The following RASSF3 variants were observed in gnomAD, a reference collection of about 807,000 sequenced individuals.
RASSF3 encodes the protein ras association domain-containing protein 3.
Under a neutral mutation model 19.9 loss-of-function variants are expected in RASSF3, and 19 were observed. The ratio of observed to expected loss-of-function variants is 0.96; its 90% CI spans 0.67 to 1.40. The LOEUF is 1.40. Among genes scored for constraint, RASSF3 ranks in the 40% most tolerant of loss-of-function variants. RASSF3 has a pLI of 0.00. For synonymous variants in RASSF3, 110 were observed against 104.2 expected, an observed-to-expected ratio of 1.06 and a Z score of -0.34; for missense variants, 306 against 289.8, an observed-to-expected ratio of 1.06 and a Z score of -0.41.
intron 2 of RASSF3, among the ~76,000 whole-genome samples, chr12:64,547,924 A>G (rs956060193): frequency 6.6e-6 from 1 of 152,174 alleles, no homozygotes; most frequent in African/African-American, 2.4e-5. Context: ...GAGAGATATA[A>G]TTGCCCTTAG....
At chr12:64,622,603 C>T (rs1485800201) in intron 1 of RASSF3, 3 of 437,304 alleles carry the variant, frequency 6.9e-6, no homozygotes, top group South Asian at 5.0e-5. Context: ...CAACTTAATA[C>T]TTTCAGGCTT....
intron 2 of RASSF3, among the ~76,000 whole-genome samples, chr12:64,601,593 G>A (rs2136145956): frequency 6.6e-6 from 1 of 151,980 alleles, no homozygotes; most frequent in East Asian, 2.0e-4. Context: ...AGGCTGAGGT[G>A]GGTGGATTGC....
intron 1 of RASSF3, among the ~76,000 whole-genome samples, chr12:64,626,265 T>C (rs1002501304): frequency 3.9e-5 from 6 of 152,096 alleles, no homozygotes; most frequent in Non-Finnish European, 7.4e-5. Flanking sequence ...CCGGGTGTGG[T>C]GGCTCACGCC....
intron 1 of RASSF3, among the ~76,000 whole-genome samples, chr12:64,526,026 T>C (rs1229433573): frequency 1.3e-5 from 2 of 152,282 alleles, no homozygotes; most frequent in African/African-American, 4.8e-5. Flanking sequence ...ATTCCTAGAA[T>C]TGCCTTCATT....
At chr12:64,516,600 C>G (rs1269218411) in intron 1 of RASSF3, among the ~76,000 whole-genome samples, 6 of 128,912 alleles carry the variant, frequency 4.7e-5, no homozygotes, top group African/African-American at 1.2e-4. Context: ...GCCTGGGCGA[C>G]AGAGCGAGAC....
intron 1 of RASSF3, among the ~76,000 whole-genome samples, chr12:64,538,976 G>A (rs1338376121): frequency 6.6e-6 from 1 of 152,116 alleles, no homozygotes; most frequent in Admixed American, 6.6e-5. Flanking sequence ...AACCTGGGAG[G>A]TGGAGGTTGC....
intron 2 of RASSF3, among the ~76,000 whole-genome samples, chr12:64,557,388 C>G (rs1475491983): frequency 1.3e-5 from 2 of 152,248 alleles, no homozygotes; most frequent in Admixed American, 1.3e-4. Context: ...AAGCACAGCC[C>G]TACCTCTTCC....
At chr12:64,610,212 CGG>C, upstream of RASSF3, among the ~76,000 whole-genome samples, 1 of 152,268 alleles carries the variant, frequency 6.6e-6, no homozygotes, top group South Asian at 2.1e-4. Flanking sequence ...TTGCAGTTTC[CGG>C]GAGGTTGAGG....
At chr12:64,557,115 G>C (rs1869268976) in intron 2 of RASSF3, among the ~76,000 whole-genome samples, 1 of 152,032 alleles carries the variant, frequency 6.6e-6, no homozygotes, top group Non-Finnish European at 1.5e-5. Flanking sequence ...AGGATTACAG[G>C]TATGAGCCAC....
At chr12:64,589,251 A>C (rs1159433924) in intron 2 of RASSF3, among the ~76,000 whole-genome samples, 1 of 152,108 alleles carries the variant, frequency 6.6e-6, no homozygotes, top group Non-Finnish European at 1.5e-5. Context: ...GGAGTTCGAG[A>C]CCAGCCTGGC....
intron 1 of RASSF3, among the ~76,000 whole-genome samples, chr12:64,684,339 C>T (rs542990870): frequency 1.3e-4 from 20 of 151,914 alleles, no homozygotes; most frequent in South Asian, 1.0e-3. Flanking sequence ...CGTCCTTGGC[C>T]TCTCAAAGTC....
chr12:64,530,945 A>G (rs1868694564), upstream of RASSF3, among the ~76,000 whole-genome samples: 1 of 152,098 alleles, frequency 6.6e-6, no homozygotes, highest in Non-Finnish European at 1.5e-5. Context: ...TAGATTCTTT[A>G]TATATTCCTA....
chr12:64,669,616 C>G (rs569661937), intron 1 of RASSF3, among the ~76,000 whole-genome samples: 3 of 152,132 alleles, frequency 2.0e-5, no homozygotes, highest in South Asian at 2.1e-4. Flanking sequence ...CAGCCTTGTA[C>G]TTTAGCACGT....
intron 1 of RASSF3, among the ~76,000 whole-genome samples, chr12:64,632,235 T>C (rs907698925): frequency 9.2e-5 from 14 of 152,016 alleles, no homozygotes; most frequent in Non-Finnish European, 1.8e-4. Context: ...AGTGGTGGTA[T>C]GGCTGCAGCA....
chr12:64,643,306 A>G (rs746859658), intron 1 of RASSF3, among the ~76,000 whole-genome samples: 16 of 151,776 alleles, frequency 1.1e-4, no homozygotes, highest in South Asian at 1.0e-3. Flanking sequence ...AGATTTAGCT[A>G]TTGTTACTGT....
At chr12:64,579,692 C>G (rs1355984102) in intron 2 of RASSF3, among the ~76,000 whole-genome samples, 1 of 151,740 alleles carries the variant, frequency 6.6e-6, no homozygotes, top group African/African-American at 2.4e-5. Context: ...TTTATTAATG[C>G]TATTGCTTTG....
At chr12:64,610,811 C>T (rs1245623296) in intron 1 of RASSF3, 68 bp downstream of exon 1, 1 of 1,004,654 alleles carries the variant, frequency 1.0e-6, no homozygotes, top group Non-Finnish European at 1.4e-6. Context: ...AGCCCGCGCC[C>T]CCTGCCTCCA....
At chr12:64,584,485 A>T (rs1434028210) in intron 2 of RASSF3, among the ~76,000 whole-genome samples, 1 of 148,330 alleles carries the variant, frequency 6.7e-6, no homozygotes, top group Non-Finnish European at 1.5e-5. Context: ...TGCCTTCTAC[A>T]AAAGAGGTCC....
chr12:64,610,856 G>A, intron 1 of RASSF3, 113 bp downstream of exon 1: 1 of 557,444 alleles, frequency 1.8e-6, no homozygotes, highest in South Asian at 2.5e-5. Context: ...GATGCTCGCC[G>A]GGAAGGAGGA....
Sources: allele counts gnomAD v4.1 joint callset (sites outside exome capture counted in the v4.1 genomes callset), GRCh38; gene constraint gnomAD v4.1.1; transcripts MANE v1.5; gene names NCBI Gene and HGNC (gene_info 2026-07-23, HGNC 2026-07-21).